NPHP1: variants seen among roughly 807,000 people sequenced by gnomAD.
NPHP1 encodes nephrocystin 1.
In NPHP1, 70 loss-of-function variants were observed where a neutral mutation model predicts 90.4. The observed-to-expected ratio is 0.77, with a 90% CI of 0.64 to 0.95. The LOEUF (loss-of-function observed/expected upper bound fraction) is 0.95. Ranked by LOEUF, NPHP1 falls within the 40% of genes least tolerant of loss-of-function variation. The probability of loss-of-function intolerance (pLI) is 0.00; values close to 1 mark genes in which losing one functional copy is unlikely to be tolerated. For synonymous variants in NPHP1, 256 were observed against 271.7 expected (o/e 0.94, Z 0.57); for missense variants, 764 against 795.9 (o/e 0.96, Z 0.48).
chr2:110,161,382 A>C (rs1005815185), intron 10 of NPHP1, among the ~76,000 whole-genome samples: 3 of 152,194 alleles, frequency 2.0e-5, no homozygotes, highest in African/African-American at 7.2e-5. Flanking sequence ...TTTCCTTTCT[A>C]ACAATGAGAG....
intron 6 of NPHP1, among the ~76,000 whole-genome samples, chr2:110,167,799 G>A (rs1311836275): frequency 4.6e-5 from 7 of 152,108 alleles, no homozygotes; most frequent in Admixed American, 3.3e-4. Context: ...GTCTGTGCTA[G>A]CTCCAGGCAT....
chr2:110,169,003 A>G (rs535107546), intron 5 of NPHP1, among the ~76,000 whole-genome samples: 1 of 152,284 alleles, frequency 6.6e-6, no homozygotes, highest in South Asian at 2.1e-4. Context: ...GTATTTACTG[A>G]ATATAATTAC....
chr2:110,169,903 T>C lies in NPHP1; in HGVS notation c.425A>G (p.Glu142Gly). 6.2e-7 allele frequency: 1 copy of C among 1,610,240 alleles called. No homozygotes were observed. Among genetic ancestry groups the C allele is most frequent in the Non-Finnish European group, 8.5e-7 (1 of 1,176,830 alleles). ...TTTGTGAGATTCATTTTCCTCTTTC[T>C]CTTCCTCTTCCTCCTCTGCATCTTC... ...EEEDAEEEEE[E>G]KEENESHKWS... The change falls in exon 5 of 20, where the codon GAG becomes GGG. Residue 142 changes from glutamate to glycine, a missense_variant. By Grantham distance (98) the Glu-to-Gly change is moderately conservative (BLOSUM62 -2). Transcript: ENST00000445609.
rs776444944 is a variant in NPHP1 at position 110,169,851 on chromosome 2, A to C, written c.477T>G (p.Ala159=). 65 of 1,613,606 alleles carry C rather than the reference A, an allele frequency of 4.0e-5. No homozygotes were observed. The highest frequency in any genetic ancestry group is 5.2e-5 in the Non-Finnish European group (61 of 1,179,796). Residue 159 remains alanine (A), a synonymous_variant, in exon 5 of 20, where the codon GCT becomes GCG. Coordinates refer to ENST00000445609, the MANE Select transcript of NPHP1 (RefSeq NM_001128178.3). ...HKWSTGEEYI[A]VGDFTAQQVG... ...CTTGCTGAGCAGTAAAATCTCCAACAGCGATGTATTCTTCACCGGTTGACC... is the reference window on the plus strand; with the variant it reads ...CTTGCTGAGCAGTAAAATCTCCAACCGCGATGTATTCTTCACCGGTTGACC...
chr2:110,168,431 A>T, intron 6 of NPHP1, 21 bp downstream of exon 6: 1 of 1,455,498 alleles, frequency 6.9e-7, no homozygotes, highest in Non-Finnish European at 9.6e-7. Context: ...TTAGAAAAGG[A>T]AGGCATAAAC....
At chr2:110,181,431 A>G (rs189075013) in intron 2 of NPHP1, among the ~76,000 whole-genome samples, 186 of 152,266 alleles carry the variant, frequency 1.2e-3, no homozygotes, top group Non-Finnish European at 2.0e-3. Flanking sequence ...CTTCCAGAGG[A>G]AGGAGCTGGC....
intron 4 of NPHP1, among the ~76,000 whole-genome samples, chr2:110,177,312 T>C (rs1221036674): frequency 6.6e-6 from 1 of 152,188 alleles, no homozygotes; most frequent in Non-Finnish European, 1.5e-5. Context: ...TCCTTGCATC[T>C]ACCACCTTCA....
chr2:110,148,088 T>C (rs1681200289), intron 12 of NPHP1, 62 bp from the exon 13 acceptor site: 1 of 1,052,726 alleles, frequency 9.5e-7, no homozygotes, highest in South Asian at 1.3e-5. Context: ...GGGTTTGATG[T>C]GGTTTGAATA....
At position 110,147,912 on chromosome 2, in the gene NPHP1, A is replaced by C; in HGVS notation, c.1269+4T>G. 1 of 1,475,710 alleles carries C rather than the reference A, an allele frequency of 6.8e-7. No individual in the cohort carries two copies. Among genetic ancestry groups the C allele is most frequent in the Non-Finnish European group, 9.5e-7 (1 of 1,053,484 alleles). 91.4% of individuals were successfully genotyped at this position (1,475,710 alleles called of 1,614,324 possible). The stretch of plus-strand genomic sequence containing the variant: ...TAGAAAGCCTTATCTTTCAACGGAC[A>C]TACATTGCGAATATAAGAAATTCCA... On this transcript the variant is annotated splice_donor_region_variant and intron_variant, in intron 13 of 19. Coordinates refer to ENST00000445609, the MANE Select transcript of NPHP1 (RefSeq NM_001128178.3).
chr2:110,168,404 CG>C (rs745321991), intron 6 of NPHP1, 47 bp downstream of exon 6: 87 of 1,070,198 alleles, frequency 8.1e-5, no homozygotes, highest in Middle Eastern at 2.0e-4. Flanking sequence ...TTATTAAAAG[CG>C]AAAAAAAAAA....
At chr2:110,195,634 T>C (rs1444720800) in intron 2 of NPHP1, among the ~76,000 whole-genome samples, 92 of 151,742 alleles carry the variant, frequency 6.1e-4, no homozygotes, top group African/African-American at 2.1e-3. Context: ...TGACTTTCTT[T>C]ACAGAATTGG....
intron 15 of NPHP1, 76 bp from the exon 16 acceptor site, chr2:110,143,717 A>T: frequency 1.0e-6 from 1 of 1,002,752 alleles, no homozygotes; most frequent in Admixed American, 1.8e-5. Context: ...CAAGTATTTC[A>T]TGAAAATATA....
At chr2:110,136,835 C>T (rs1181191556) in intron 16 of NPHP1, among the ~76,000 whole-genome samples, 11 of 152,014 alleles carry the variant, frequency 7.2e-5, no homozygotes, top group Admixed American at 1.3e-4. Flanking sequence ...TTAAAGTTCA[C>T]ATGGAACCAA....
chr2:110,126,618 G>A (rs1190117289), intron 18 of NPHP1: 1 of 152,572 alleles, frequency 6.6e-6, no homozygotes, highest in African/African-American at 2.4e-5. Context: ...CAGAACCAGA[G>A]TGTTTTACTA....
At chr2:110,145,621 G>A (rs996352670) in intron 14 of NPHP1, among the ~76,000 whole-genome samples, 3 of 151,960 alleles carry the variant, frequency 2.0e-5, no homozygotes, top group African/African-American at 4.8e-5. Flanking sequence ...AACAAAAGTG[G>A]AGTCACAGTA....
chr2:110,151,677 T>C (rs553584876), intron 11 of NPHP1, among the ~76,000 whole-genome samples: 1 of 152,232 alleles, frequency 6.6e-6, no homozygotes, highest in East Asian at 1.9e-4. Context: ...ATTGCTAATA[T>C]ATATATGTTT....
chr2:110,151,290 T>C (rs912423101), intron 11 of NPHP1, among the ~76,000 whole-genome samples: 32 of 152,016 alleles, frequency 2.1e-4, no homozygotes, highest in Admixed American at 3.9e-4. Flanking sequence ...TCAAGATCTC[T>C]AGGCCCATAA....
chr2:110,177,742 CA>C (rs1003770845), intron 4 of NPHP1, among the ~76,000 whole-genome samples: 4 of 145,824 alleles, frequency 2.7e-5, no homozygotes, highest in Admixed American at 6.6e-5. Flanking sequence ...GTCCCTACTT[CA>C]ATTTTTTTTT....
chr2:110,129,176 T>C lies in NPHP1; in HGVS notation c.1716+10A>G, dbSNP rs1166643542. The C allele has an allele frequency of 6.2e-7, 1 of 1,608,900 alleles. No individual in the cohort carries two copies. Among genetic ancestry groups the C allele is most frequent in the Non-Finnish European group, 8.5e-7 (1 of 1,176,008 alleles). On this transcript the variant is annotated intron_variant, in intron 18 of 19. Coordinates refer to ENST00000445609, the MANE Select transcript of NPHP1 (RefSeq NM_001128178.3). ...GCCAGCAGGTTTCCATTGCAATGCA[T>C]GCTACCCACCCTGAGAGCATCCATC... is the stretch of plus-strand genomic sequence containing the variant.
Sources: gnomAD v4.1 joint callset for allele counts (sites outside exome capture counted in the v4.1 genomes callset) on GRCh38, gnomAD v4.1.1 for gene constraint, MANE v1.5 for transcripts, NCBI Gene and HGNC (gene_info 2026-07-23, HGNC 2026-07-21) for gene names.